The following H2BN1 variants were observed in gnomAD, a reference collection of about 807,000 sequenced individuals.
The protein encoded by H2BN1 is H2B.N variant histone 1, also known as histone H2B.N.
chr17:32,899,027 T>C, the H2BN1 span, among the ~76,000 whole-genome samples: 1 of 152,166 alleles, frequency 6.6e-6, no homozygotes, highest in African/African-American at 2.4e-5. Flanking sequence ...TAGAATTTGG[T>C]CTGAACTGTA....
At chr17:32,898,970 A>C in the H2BN1 span, among the ~76,000 whole-genome samples, 1 of 152,256 alleles carries the variant, frequency 6.6e-6, no homozygotes, top group Non-Finnish European at 1.5e-5. Context: ...ATGTGGGGGA[A>C]GAAAAAATTG....
the H2BN1 span, among the ~76,000 whole-genome samples, chr17:32,902,711 G>A: frequency 6.6e-6 from 1 of 152,090 alleles, no homozygotes; most frequent in Non-Finnish European, 1.5e-5. Flanking sequence ...GTGGTGGTGG[G>A]CACCTGTAGT....
At chr17:32,904,170 G>T in the H2BN1 span, among the ~76,000 whole-genome samples, 1 of 152,194 alleles carries the variant, frequency 6.6e-6, no homozygotes, top group Non-Finnish European at 1.5e-5. Flanking sequence ...TCACCCAGGG[G>T]CACCTTTCAG....
chr17:32,899,957 A>G, the H2BN1 span, among the ~76,000 whole-genome samples: 1 of 152,202 alleles, frequency 6.6e-6, no homozygotes, highest in Non-Finnish European at 1.5e-5. Flanking sequence ...AGAAATTTGT[A>G]TTCAAGAGGA....
the H2BN1 span, among the ~76,000 whole-genome samples, chr17:32,904,577 A>T: frequency 2.6e-5 from 4 of 152,116 alleles, no homozygotes; most frequent in Non-Finnish European, 4.4e-5. Context: ...ACCTAAGAAA[A>T]ATCTGCCTAT....
At chr17:32,900,718 A>C in the H2BN1 span, among the ~76,000 whole-genome samples, 1 of 151,940 alleles carries the variant, frequency 6.6e-6, no homozygotes, top group Non-Finnish European at 1.5e-5. Flanking sequence ...AGTAGCTGGG[A>C]CTACAGGCGC....
the H2BN1 span, among the ~76,000 whole-genome samples, chr17:32,896,373 C>A: frequency 6.6e-6 from 1 of 152,138 alleles, no homozygotes; most frequent in Non-Finnish European, 1.5e-5. Flanking sequence ...TGGTTCCTTC[C>A]TCCTGCCCAC....
the H2BN1 span, among the ~76,000 whole-genome samples, chr17:32,896,808 C>T: frequency 6.6e-6 from 1 of 152,190 alleles, no homozygotes; most frequent in African/African-American, 2.4e-5. Flanking sequence ...TGCTCCCTCC[C>T]TCCCAGTTGT....
At chr17:32,897,586 G>A in the H2BN1 span, among the ~76,000 whole-genome samples, 1 of 152,200 alleles carries the variant, frequency 6.6e-6, no homozygotes, top group African/African-American at 2.4e-5. Flanking sequence ...CCTGACGGCA[G>A]AGAGTGCCAA....
the H2BN1 span, among the ~76,000 whole-genome samples, chr17:32,897,569 T>C: frequency 1.3e-5 from 2 of 152,174 alleles, no homozygotes; most frequent in South Asian, 2.1e-4. Context: ...CAACATGTGA[T>C]ACAGGGCCTG....
At chr17:32,906,015 C>T in the H2BN1 span, among the ~76,000 whole-genome samples, 1 of 152,134 alleles carries the variant, frequency 6.6e-6, no homozygotes, top group African/African-American at 2.4e-5. Context: ...GTCGTTGCCC[C>T]TTTAGGTGGT....
chr17:32,899,589 G>A, the H2BN1 span, among the ~76,000 whole-genome samples: 1 of 152,154 alleles, frequency 6.6e-6, no homozygotes, highest in Non-Finnish European at 1.5e-5. Flanking sequence ...CTCTAGTCGT[G>A]TCCTGTTATA....
At chr17:32,903,048 A>C in the H2BN1 span, among the ~76,000 whole-genome samples, 1 of 152,114 alleles carries the variant, frequency 6.6e-6, no homozygotes. Context: ...GTTAAGGTTA[A>C]TTTATTAAAG....
chr17:32,898,486 C>A, the H2BN1 span, among the ~76,000 whole-genome samples: 3 of 152,270 alleles, frequency 2.0e-5, no homozygotes, highest in East Asian at 1.9e-4. Context: ...TCAGGTTTGT[C>A]CTAAGCAGTT....
the H2BN1 span, among the ~76,000 whole-genome samples, chr17:32,903,182 A>G: frequency 6.6e-6 from 1 of 151,478 alleles, no homozygotes; most frequent in East Asian, 1.9e-4. Flanking sequence ...TATTTTCAGT[A>G]GTGAAATATT....
chr17:32,901,330 G>C, the H2BN1 span, among the ~76,000 whole-genome samples: 1 of 152,092 alleles, frequency 6.6e-6, no homozygotes, highest in African/African-American at 2.4e-5. Flanking sequence ...AGGGGCTTAT[G>C]CATTGGTCTT....
the H2BN1 span, among the ~76,000 whole-genome samples, chr17:32,897,326 C>A: frequency 2.0e-5 from 3 of 150,408 alleles, no homozygotes; most frequent in Admixed American, 6.7e-5. Flanking sequence ...CCCATCTCCC[C>A]CTTCTTCCCT....
At chr17:32,901,841 A>C in the H2BN1 span, among the ~76,000 whole-genome samples, 1 of 152,192 alleles carries the variant, frequency 6.6e-6, no homozygotes, top group Non-Finnish European at 1.5e-5. Context: ...TCATTGTTCT[A>C]ACCAATTATT....
the H2BN1 span, among the ~76,000 whole-genome samples, chr17:32,898,317 A>C: frequency 6.6e-6 from 1 of 152,204 alleles, no homozygotes; most frequent in Non-Finnish European, 1.5e-5. Context: ...AGACAACTTG[A>C]GTCGAAGGCA....
Sources: gnomAD v4.1 joint callset for allele counts (sites outside exome capture counted in the v4.1 genomes callset) on GRCh38, gnomAD v4.1.1 for gene constraint, MANE v1.5 for transcripts, NCBI Gene and HGNC (gene_info 2026-07-23, HGNC 2026-07-21) for gene names.